The following GRIN2A variants were observed in gnomAD, a reference collection of about 807,000 sequenced individuals.
The protein encoded by GRIN2A is glutamate receptor ionotropic, NMDA 2A.
Under a neutral mutation model 113.4 loss-of-function variants are expected in GRIN2A, and 22 were observed. The observed-to-expected ratio is 0.19, with a 90% CI of 0.14 to 0.28. The LOEUF is 0.28. Ranked by LOEUF, GRIN2A falls within the 10% of genes least tolerant of loss-of-function variation. GRIN2A has a pLI of 1.00. For missense variants in GRIN2A, 1,502 were observed against 1,887.0 expected (o/e 0.80, Z 3.78); for synonymous variants, 827 against 738.4 (o/e 1.12, Z -1.94).
intron 2 of GRIN2A, among the ~76,000 whole-genome samples, chr16:10,155,845 G>C (rs1378013208): frequency 6.6e-6 from 1 of 152,096 alleles, no homozygotes; most frequent in Non-Finnish European, 1.5e-5. Context: ...AACAGCACGG[G>C]AAAGACCTGC....
At chr16:10,058,112 G>A (rs1396191218) in intron 2 of GRIN2A, among the ~76,000 whole-genome samples, 1 of 151,968 alleles carries the variant, frequency 6.6e-6, no homozygotes, top group African/African-American at 2.4e-5. Context: ...AAAATCAGCT[G>A]GGCGTGGTGG....
At chr16:10,136,477 G>A (rs928582453) in intron 2 of GRIN2A, among the ~76,000 whole-genome samples, 1 of 152,070 alleles carries the variant, frequency 6.6e-6, no homozygotes, top group African/African-American at 2.4e-5. Flanking sequence ...GAGGCATTTG[G>A]CTAATTATAC....
chr16:10,178,068 A>G (rs1240652844), intron 2 of GRIN2A, among the ~76,000 whole-genome samples: 1 of 152,204 alleles, frequency 6.6e-6, no homozygotes, highest in Admixed American at 6.5e-5. Flanking sequence ...CACTTTCAGT[A>G]TGGTTACTGT....
intron 2 of GRIN2A, among the ~76,000 whole-genome samples, chr16:9,947,695 C>A (rs2045052680): frequency 6.6e-6 from 1 of 152,138 alleles, no homozygotes; most frequent in Non-Finnish European, 1.5e-5. Context: ...ACACTGGTAC[C>A]AAATAGAGGG....
At chr16:9,790,400 C>T (rs1025831326) in intron 11 of GRIN2A, among the ~76,000 whole-genome samples, 1 of 152,170 alleles carries the variant, frequency 6.6e-6, no homozygotes, top group Non-Finnish European at 1.5e-5. Context: ...GCTTCAGTTT[C>T]CATATTACTG....
intron 2 of GRIN2A, among the ~76,000 whole-genome samples, chr16:10,093,290 T>G (rs2048220757): frequency 6.6e-6 from 1 of 152,196 alleles, no homozygotes; most frequent in Non-Finnish European, 1.5e-5. Context: ...TGTGTCATTT[T>G]ATCTTGCCTA....
chr16:9,874,060 A>AT (rs1373305925), intron 4 of GRIN2A, among the ~76,000 whole-genome samples: 5 of 152,066 alleles, frequency 3.3e-5, no homozygotes, highest in Admixed American at 2.6e-4. Flanking sequence ...CCAACTTTAG[A>AT]TTTTTTTCTC....
Position 9,756,352 on chromosome 16 carries a change from C to T in GRIN2A, c.*6797G>A. On this transcript the variant is annotated 3_prime_UTR_variant, in exon 13 of 13. Coordinates refer to ENST00000330684, the MANE Select transcript of GRIN2A (RefSeq NM_001134407.3). ...AACAGTGTTCAAGTCTCAGAAGGAA[C>T]TATGAACAGAGGTGAGATCCCCAGA... 1 of 230,278 alleles carries T rather than the reference C, an allele frequency of 4.3e-6. No homozygotes were observed. Among genetic ancestry groups the T allele is most frequent in the East Asian group, 6.2e-5 (1 of 16,250 alleles). 14.3% of individuals were successfully genotyped at this position (230,278 alleles called of 1,614,324 possible).
intron 2 of GRIN2A, among the ~76,000 whole-genome samples, chr16:10,171,070 G>C (rs1193180766): frequency 6.6e-6 from 1 of 152,040 alleles, no homozygotes; most frequent in Non-Finnish European, 1.5e-5. Context: ...TTTTAGTCAA[G>C]ACAACCAAAA....
intron 9 of GRIN2A, 71 bp downstream of exon 9, chr16:9,829,344 GGCACCTGA>G: frequency 1.2e-6 from 1 of 865,570 alleles, no homozygotes; most frequent in East Asian, 2.5e-5. Context: ...CTCAATGAGA[GGCACCTGA>G]ATCTCTTCCT....
At chr16:9,954,838 T>C (rs568159359) in intron 2 of GRIN2A, among the ~76,000 whole-genome samples, 2 of 152,302 alleles carry the variant, frequency 1.3e-5, no homozygotes, top group African/African-American at 4.8e-5. Context: ...GTGGGATGAA[T>C]CCAGAATTCA....
chr16:10,140,413 C>T (rs1268951052), intron 2 of GRIN2A, among the ~76,000 whole-genome samples: 2 of 152,124 alleles, frequency 1.3e-5, no homozygotes, highest in Non-Finnish European at 2.9e-5. Context: ...AGAGTTGACA[C>T]ATCCAGGGTC....
intron 10 of GRIN2A, among the ~76,000 whole-genome samples, chr16:9,813,510 G>GT (rs574229776): frequency 1.3e-4 from 16 of 119,898 alleles, no homozygotes; most frequent in Middle Eastern, 5.3e-3. Context: ...TTTTTAGTCT[G>GT]TTTTTTTTGC....
chr16:10,141,320 C>A (rs2049322877), intron 2 of GRIN2A, among the ~76,000 whole-genome samples: 1 of 151,088 alleles, frequency 6.6e-6, no homozygotes. Context: ...GAAACCCTGT[C>A]TCTAATAAAA....
At chr16:9,918,717 T>C (rs1324849581) in intron 3 of GRIN2A, among the ~76,000 whole-genome samples, 1 of 152,210 alleles carries the variant, frequency 6.6e-6, no homozygotes, top group African/African-American at 2.4e-5. Flanking sequence ...CATTCAGCTT[T>C]GTTAAATGTA....
chr16:9,891,430 C>T (rs1030474731), intron 3 of GRIN2A, among the ~76,000 whole-genome samples: 15 of 152,204 alleles, frequency 9.9e-5, no homozygotes, highest in Admixed American at 5.2e-4. Context: ...GCTGCTTGCT[C>T]ATAAACCACA....
intron 2 of GRIN2A, among the ~76,000 whole-genome samples, chr16:10,146,943 C>G (rs1430727575): frequency 6.6e-6 from 1 of 152,116 alleles, no homozygotes; most frequent in African/African-American, 2.4e-5. Flanking sequence ...ACACAATCCT[C>G]TCCAGTGCAA....
intron 2 of GRIN2A, among the ~76,000 whole-genome samples, chr16:9,941,637 C>T (rs1318946509): frequency 6.6e-6 from 1 of 152,152 alleles, no homozygotes; most frequent in Non-Finnish European, 1.5e-5. Flanking sequence ...GTTGGACTAC[C>T]CAGCTCCAAT....
At chr16:9,890,789 A>G (rs1349490058) in intron 4 of GRIN2A, among the ~76,000 whole-genome samples, 197 bp downstream of exon 4, 1 of 152,210 alleles carries the variant, frequency 6.6e-6, no homozygotes, top group African/African-American at 2.4e-5. Context: ...CAATTACCAC[A>G]GTTCACCCAG....
Sources: allele counts gnomAD v4.1 joint callset (sites outside exome capture counted in the v4.1 genomes callset), GRCh38; gene constraint gnomAD v4.1.1; transcripts MANE v1.5; gene names NCBI Gene and HGNC (gene_info 2026-07-23, HGNC 2026-07-21).